NFIB: variants seen among roughly 807,000 people sequenced by gnomAD.
NFIB encodes nuclear factor 1 B-type.
In NFIB, 11 loss-of-function variants were observed where a neutral mutation model predicts 61.5. The observed-to-expected ratio is 0.18, with a 90% CI of 0.11 to 0.30. NFIB has a LOEUF of 0.30. NFIB is among the 10% of genes least tolerant of loss of function. NFIB has a pLI of 1.00. For missense variants in NFIB, 471 were observed against 608.9 expected (o/e 0.77, Z 2.38); for synonymous variants, 260 against 216.5 (o/e 1.20, Z -1.76).
At chr9:14,139,980 A>G (rs893774765) in intron 6 of NFIB, among the ~76,000 whole-genome samples, 1 of 152,222 alleles carries the variant, frequency 6.6e-6, no homozygotes, top group Non-Finnish European at 1.5e-5. Flanking sequence ...CATAATAAGA[A>G]GCTAAACAAA....
At chr9:14,295,897 T>C (rs113641664) in intron 2 of NFIB, among the ~76,000 whole-genome samples, 111 of 152,318 alleles carry the variant, frequency 7.3e-4, no homozygotes, top group African/African-American at 2.5e-3. Flanking sequence ...CCTTCAAATA[T>C]ACCTAGATTG....
intron 6 of NFIB, among the ~76,000 whole-genome samples, chr9:14,143,536 T>G (rs2041972769): frequency 6.6e-6 from 1 of 152,186 alleles, no homozygotes; most frequent in Non-Finnish European, 1.5e-5. Flanking sequence ...AATTTAACAC[T>G]AACAGAATAA....
intron 2 of NFIB, among the ~76,000 whole-genome samples, chr9:14,213,319 G>A (rs1033589221): frequency 6.6e-6 from 1 of 152,042 alleles, no homozygotes; most frequent in Non-Finnish European, 1.5e-5. Context: ...GAAAGTTAAC[G>A]CGGGCCCCCA....
the NFIB span, among the ~76,000 whole-genome samples, chr9:14,436,516 G>C: frequency 6.6e-6 from 1 of 152,226 alleles, no homozygotes; most frequent in Non-Finnish European, 1.5e-5. Flanking sequence ...TTGCCTGTTA[G>C]AGTGAGATGG....
intron 1 of NFIB, among the ~76,000 whole-genome samples, chr9:14,383,449 G>A (rs780558460): frequency 6.6e-6 from 1 of 152,212 alleles, no homozygotes; most frequent in East Asian, 1.9e-4. Context: ...AGAAAAGAGT[G>A]TCAAGGCGGT....
chr9:14,483,256 T>C, the NFIB span, among the ~76,000 whole-genome samples: 1 of 152,234 alleles, frequency 6.6e-6, no homozygotes, highest in South Asian at 2.1e-4. Context: ...ATTTGGGAAA[T>C]TGGTAAGATG....
intron 2 of NFIB, among the ~76,000 whole-genome samples, chr9:14,281,972 T>C (rs2058403212): frequency 1.3e-5 from 2 of 152,304 alleles, no homozygotes; most frequent in South Asian, 4.1e-4. Flanking sequence ...AAAAATCTTA[T>C]TATATTTCAA....
intron 1 of NFIB, among the ~76,000 whole-genome samples, chr9:14,356,070 T>G (rs184019022): frequency 1.3e-5 from 2 of 152,300 alleles, no homozygotes; most frequent in East Asian, 3.9e-4. Context: ...GTGTGGCCAG[T>G]GCTAGCTGAC....
At chr9:14,308,721 A>T (rs1266666027) in intron 1 of NFIB, among the ~76,000 whole-genome samples, 3 of 152,252 alleles carry the variant, frequency 2.0e-5, no homozygotes, top group African/African-American at 7.2e-5. Flanking sequence ...ATTTGCAGAT[A>T]CATAGATTAT....
intron 2 of NFIB, among the ~76,000 whole-genome samples, chr9:14,302,504 T>C (rs961900824): frequency 1.3e-5 from 2 of 152,188 alleles, no homozygotes; most frequent in African/African-American, 4.8e-5. Flanking sequence ...TAAAGGAAAC[T>C]ACTTTTTCAG....
chr9:14,512,135 T>C, the NFIB span, among the ~76,000 whole-genome samples: 1 of 152,332 alleles, frequency 6.6e-6, no homozygotes, highest in African/African-American at 2.4e-5. Flanking sequence ...ATTTTCTAAC[T>C]CTGGGTTTCC....
At chr9:14,511,350 C>A in the NFIB span, among the ~76,000 whole-genome samples, 4 of 151,632 alleles carry the variant, frequency 2.6e-5, no homozygotes, top group South Asian at 6.2e-4. Context: ...TCTTTATAAT[C>A]TTTTCATTAT....
chr9:14,099,255 T>G (rs2035354036), intron 10 of NFIB, among the ~76,000 whole-genome samples: 1 of 152,160 alleles, frequency 6.6e-6, no homozygotes, highest in Admixed American at 6.5e-5. Context: ...AAATAACCTG[T>G]GATATTTTAT....
rs59897559 is a variant in NFIB, at chr9:14,182,708, CTGTGTGTGTG to C, written c.563-2938_563-2929del. ...CCTCTCTCTCTCTCTCTCTCTCTCT[CTGTGTGTGTG>C]TGTGTGTGTGTGTGTGTGTGTGTGT... On this transcript the variant is annotated intron_variant, in intron 2 of 10. Coordinates refer to ENST00000380953, the MANE Select transcript of NFIB (RefSeq NM_001190737.2). Among the ~76,000 whole-genome samples the C allele has an allele frequency of 6.6e-3, 636 of 96,918 alleles. 6 individuals are homozygous for C. Among genetic ancestry groups the C allele is most frequent in the South Asian group, 0.032 (90 of 2,834 alleles). The allele number at this position is 96,918 out of a possible 152,430, so 63.6% of individuals were successfully genotyped here. A position where few individuals can be genotyped will look rare whatever the true frequency, so the allele number is the denominator to read the frequency against.
At chr9:14,490,304 A>C in the NFIB span, among the ~76,000 whole-genome samples, 22 of 152,140 alleles carry the variant, frequency 1.4e-4, no homozygotes. Flanking sequence ...TACACATATA[A>C]AAAATCAAAT....
chr9:14,291,157 A>C (rs1306976021), intron 2 of NFIB, among the ~76,000 whole-genome samples: 2 of 152,058 alleles, frequency 1.3e-5, no homozygotes, highest in Admixed American at 6.5e-5. Context: ...GGCATTTCTA[A>C]AACATAAATT....
intron 10 of NFIB, among the ~76,000 whole-genome samples, chr9:14,091,956 A>T (rs946341577): frequency 1.1e-4 from 16 of 152,090 alleles, no homozygotes; most frequent in Admixed American, 9.2e-4. Context: ...AATGTTTGAT[A>T]TCATGGATAC....
chr9:14,411,805 C>T, the NFIB span, among the ~76,000 whole-genome samples: 1 of 152,180 alleles, frequency 6.6e-6, no homozygotes, highest in East Asian at 1.9e-4. Context: ...CAATAGAATA[C>T]AGCAGAATTG....
At chr9:14,466,442 T>TC in the NFIB span, among the ~76,000 whole-genome samples, 2,501 of 152,240 alleles carry the variant, frequency 0.016, 32 homozygotes, top group Non-Finnish European at 0.028. Flanking sequence ...GCACTCTGGA[T>TC]CGCACCATCC....
Sources: gnomAD v4.1 joint callset for allele counts (sites outside exome capture counted in the v4.1 genomes callset) on GRCh38, gnomAD v4.1.1 for gene constraint, MANE v1.5 for transcripts, NCBI Gene and HGNC (gene_info 2026-07-23, HGNC 2026-07-21) for gene names.